Variants in LDLRAD4 observed in about 807,000 individuals in gnomAD.
The protein encoded by LDLRAD4 is low-density lipoprotein receptor class A domain-containing protein 4.
Under a neutral mutation model 17.0 loss-of-function variants are expected in LDLRAD4, and 5 were observed. That is an observed-to-expected ratio of 0.29 (90% CI 0.15 to 0.62). The LOEUF is 0.62. Ranked by LOEUF, LDLRAD4 falls within the 20% of genes least tolerant of loss-of-function variation. LDLRAD4 has a pLI of 0.84. For synonymous variants in LDLRAD4, 168 were observed against 171.8 expected, an observed-to-expected ratio of 0.98 and a Z score of 0.17; for missense variants, 340 against 424.7, an observed-to-expected ratio of 0.80 and a Z score of 1.75.
intron 4 of LDLRAD4, among the ~76,000 whole-genome samples, chr18:13,642,985 G>A (rs2042730066): frequency 6.6e-6 from 1 of 151,344 alleles, no homozygotes; most frequent in Admixed American, 6.6e-5. Flanking sequence ...GCCCAGGCTG[G>A]AGTGCAGTGG....
intron 3 of LDLRAD4, among the ~76,000 whole-genome samples, chr18:13,469,415 G>A (rs144400373): frequency 1.1e-3 from 173 of 152,268 alleles, no homozygotes; most frequent in African/African-American, 3.9e-3. Flanking sequence ...AACAAGGACC[G>A]GAACAGATAT....
At chr18:13,291,888 C>T (rs1374601035) in intron 1 of LDLRAD4, among the ~76,000 whole-genome samples, 2 of 152,168 alleles carry the variant, frequency 1.3e-5, no homozygotes, top group Non-Finnish European at 2.9e-5. Flanking sequence ...TTTTCATTTA[C>T]CAGGAAAATA....
chr18:13,354,766 A>G (rs373490346), intron 1 of LDLRAD4, among the ~76,000 whole-genome samples: 137 of 152,332 alleles, frequency 9.0e-4, no homozygotes, highest in African/African-American at 3.2e-3. Flanking sequence ...ATTTATTCTC[A>G]TTCTCCTCAA....
At chr18:13,545,508 T>C (rs986321165) in intron 3 of LDLRAD4, among the ~76,000 whole-genome samples, 6 of 152,104 alleles carry the variant, frequency 3.9e-5, no homozygotes, top group African/African-American at 1.4e-4. Context: ...TCATCCTGTG[T>C]CATCTTGTCT....
chr18:13,592,774 A>T (rs938948447), intron 3 of LDLRAD4, among the ~76,000 whole-genome samples: 5 of 152,236 alleles, frequency 3.3e-5, no homozygotes, highest in Non-Finnish European at 5.9e-5. Context: ...ATTTGTAGAT[A>T]ACCTAGAAAT....
intron 3 of LDLRAD4, among the ~76,000 whole-genome samples, chr18:13,589,567 G>A (rs1429057835): frequency 6.6e-6 from 1 of 152,180 alleles, no homozygotes; most frequent in East Asian, 1.9e-4. Flanking sequence ...CTCTTACACA[G>A]GAGTCAGCCC....
rs1353597639 is a variant in LDLRAD4 at position 13,645,968 on chromosome 18, A to G, written c.*311A>G. The G allele has an allele frequency of 4.1e-6, 1 of 244,218 alleles. No homozygotes were observed. Among genetic ancestry groups the G allele is most frequent in the East Asian group, 7.6e-5 (1 of 13,122 alleles). 15.1% of individuals were successfully genotyped at this position (244,218 alleles called of 1,614,324 possible). On this transcript the variant is annotated 3_prime_UTR_variant, in exon 6 of 6. Transcript: ENST00000359446. This position sits in a 1 kb window ranked among gnomAD's most constrained non-coding sequence, Gnocchi z 5.7. Reference sequence around the variant, plus strand: ...ACCATGAAATAAAACCCACAGAGGTATTTGATGTATTTAATTGTGAAAGGA... The same window carrying G: ...ACCATGAAATAAAACCCACAGAGGTGTTTGATGTATTTAATTGTGAAAGGA...
chr18:13,481,606 G>A (rs888128923), intron 3 of LDLRAD4, among the ~76,000 whole-genome samples: 20 of 151,944 alleles, frequency 1.3e-4, no homozygotes, highest in Non-Finnish European at 2.8e-4. Flanking sequence ...CCTCCCCACC[G>A]CACGCACCTC....
intron 1 of LDLRAD4, among the ~76,000 whole-genome samples, chr18:13,348,577 G>A (rs1449852572): frequency 6.6e-6 from 1 of 152,156 alleles, no homozygotes; most frequent in East Asian, 1.9e-4. Context: ...CGTGCTGGGA[G>A]AACCACTACT....
chr18:13,452,373 C>T (rs897533317), intron 3 of LDLRAD4, among the ~76,000 whole-genome samples: 6 of 151,666 alleles, frequency 4.0e-5, no homozygotes, highest in Non-Finnish European at 5.9e-5. Context: ...TGGAGGGGGG[C>T]GAGGAGGAGT....
At chr18:13,641,900 A>G in intron 4 of LDLRAD4, 3 of 985,492 alleles carry the variant, frequency 3.0e-6, no homozygotes, top group Non-Finnish European at 3.6e-6. Flanking sequence ...TGCCCCGCAG[A>G]TGGACCTGGC....
chr18:13,500,044 A>T (rs1176745055), intron 3 of LDLRAD4, among the ~76,000 whole-genome samples: 1 of 152,262 alleles, frequency 6.6e-6, no homozygotes. Context: ...TGTTTGGTGC[A>T]GACATGTTGT....
intron 3 of LDLRAD4, among the ~76,000 whole-genome samples, chr18:13,510,012 C>A (rs542453790): frequency 6.6e-6 from 1 of 152,312 alleles, no homozygotes; most frequent in African/African-American, 2.4e-5. Flanking sequence ...TGGTGGAAAC[C>A]TAACTTTTAT....
intron 3 of LDLRAD4, among the ~76,000 whole-genome samples, chr18:13,472,890 GAA>G (rs2092817595): frequency 6.6e-6 from 1 of 152,148 alleles, no homozygotes; most frequent in South Asian, 2.1e-4. Flanking sequence ...AATGTGTAGA[GAA>G]CATTTTGTGG....
At chr18:13,313,245 G>T (rs766369611) in intron 1 of LDLRAD4, among the ~76,000 whole-genome samples, 1 of 152,204 alleles carries the variant, frequency 6.6e-6, no homozygotes, top group African/African-American at 2.4e-5. Flanking sequence ...TTGAGTTGGC[G>T]TTGTGCACGT....
intron 3 of LDLRAD4, among the ~76,000 whole-genome samples, chr18:13,505,565 A>C (rs2093676546): frequency 6.6e-6 from 1 of 152,220 alleles, no homozygotes; most frequent in African/African-American, 2.4e-5. Context: ...CACGCCTGTA[A>C]TCCCAGCACT....
chr18:13,319,002 C>G (rs1261569702), intron 1 of LDLRAD4, among the ~76,000 whole-genome samples: 2 of 152,230 alleles, frequency 1.3e-5, no homozygotes, highest in Admixed American at 1.3e-4. Context: ...GAGCTCAGCA[C>G]TCACAGTAAC....
At chr18:13,288,836 A>G (rs12455144) in intron 1 of LDLRAD4, among the ~76,000 whole-genome samples, 5,995 of 36,314 alleles carry the variant, frequency 0.17, 1,249 homozygotes, top group East Asian at 0.85. Flanking sequence ...CCCACAGACC[A>G]TGGCAATTGA....
At chr18:13,304,092 A>C (rs1346117512) in intron 1 of LDLRAD4, among the ~76,000 whole-genome samples, 1 of 152,174 alleles carries the variant, frequency 6.6e-6, no homozygotes, top group Non-Finnish European at 1.5e-5. Context: ...TCCCCCCGGG[A>C]GGCAGCCCTG....
Sources: gnomAD v4.1 joint callset for allele counts (sites outside exome capture counted in the v4.1 genomes callset) on GRCh38, gnomAD v4.1.1 for gene constraint, Gnocchi (gnomAD v3.1) non-coding constraint, MANE v1.5 for transcripts, NCBI Gene and HGNC (gene_info 2026-07-23, HGNC 2026-07-21) for gene names.